The following LATS1 variants were observed in gnomAD, a reference collection of about 807,000 sequenced individuals.
The protein encoded by LATS1 is large tumor suppressor kinase 1, also known as serine/threonine-protein kinase LATS1.
In LATS1, 25 loss-of-function variants were observed where a neutral mutation model predicts 106.6. The observed-to-expected ratio is 0.23, with a 90% CI of 0.17 to 0.33. The LOEUF is 0.33. LATS1 is among the 10% of genes least tolerant of loss of function. The pLI is 1.00. For synonymous variants in LATS1, 465 were observed against 455.6 expected, an observed-to-expected ratio of 1.02 and a Z score of -0.26; for missense variants, 1,040 against 1,382.6, an observed-to-expected ratio of 0.75 and a Z score of 3.93.
At chr6:149,668,093 T>A (rs577254220) in intron 7 of LATS1, among the ~76,000 whole-genome samples, 2 of 152,292 alleles carry the variant, frequency 1.3e-5, no homozygotes, top group Admixed American at 1.3e-4. Context: ...ATAATTTTTA[T>A]ATTTTAGTAG....
chr6:149,684,292 G>A lies in LATS1; in HGVS notation c.797C>T (p.Pro266Leu). The change falls in exon 4 of 8, where the codon CCT becomes CTT. Residue 266 changes from proline to leucine, a missense_variant. Pro to Leu is a moderately conservative substitution (Grantham distance 98). This residue lies in a region of LATS1 where 624 missense variants were observed against 714.8 expected (regional missense o/e 0.87). Coordinates refer to ENST00000543571, the MANE Select transcript of LATS1 (RefSeq NM_004690.4). ...PPPRGTTPPP[P>L]SWEPNSQTKR... Reference sequence around the variant, plus strand: ...TGTTTGAGAGTTTGGTTCCCATGAAGGGGGAGGTGGAGTTGTACCTCTTGG... The same window carrying A: ...TGTTTGAGAGTTTGGTTCCCATGAAAGGGGAGGTGGAGTTGTACCTCTTGG... 1.2e-6 allele frequency: 2 copies of A among 1,614,068 alleles called. No individual in the cohort carries two copies. Among genetic ancestry groups the A allele is most frequent in the Non-Finnish European group, 1.7e-6 (2 of 1,179,998 alleles).
chr6:149,676,752 A>T lies in LATS1; in HGVS notation c.2594-15T>A, dbSNP rs1428496954. 1 of 1,598,714 alleles carries T rather than the reference A, an allele frequency of 6.3e-7. No individual in the cohort carries two copies. Among genetic ancestry groups the T allele is most frequent in the Non-Finnish European group, 8.6e-7 (1 of 1,168,570 alleles). On this transcript the variant is annotated splice_polypyrimidine_tract_variant and intron_variant, in intron 5 of 7. Transcript: ENST00000543571. ...TGGATGGTCACCTGCACAACAAAAGAATAAGTAAATAAAGTCAACAATGAC... is the reference window on the plus strand; with the variant it reads ...TGGATGGTCACCTGCACAACAAAAGTATAAGTAAATAAAGTCAACAATGAC...
rs191476063 is a variant in LATS1 at position 149,661,331 on chromosome 6, A to G, written c.*398T>C. ...CTGTAAAATAGGGGGTATGTTTCAT[A>G]TTTGGTTAAAGCAAGATAAAACTAA... On this transcript the variant is annotated 3_prime_UTR_variant, in exon 8 of 8. Transcript: ENST00000543571. 41 of 235,454 alleles carry G rather than the reference A, an allele frequency of 1.7e-4. No homozygotes were observed. The highest frequency in any genetic ancestry group is 9.0e-4 in the African/African-American group (41 of 45,504). 14.6% of individuals were successfully genotyped at this position (235,454 alleles called of 1,614,324 possible).
intron 1 of LATS1, among the ~76,000 whole-genome samples, chr6:149,715,003 C>T (rs1406337019): frequency 6.6e-6 from 1 of 152,006 alleles, no homozygotes; most frequent in East Asian, 1.9e-4. Context: ...AACCTTATTC[C>T]TTTAAATACC....
chr6:149,673,551 A>C (rs766234258), intron 7 of LATS1, among the ~76,000 whole-genome samples: 2 of 152,032 alleles, frequency 1.3e-5, no homozygotes, highest in Non-Finnish European at 2.9e-5. Context: ...ATATATTCAA[A>C]TGAAGACAAA....
chr6:149,688,868 A>G (rs1010401550), intron 3 of LATS1, among the ~76,000 whole-genome samples: 1 of 152,122 alleles, frequency 6.6e-6, no homozygotes, highest in Admixed American at 6.5e-5. Flanking sequence ...GGGATAATAT[A>G]TGAGTTCAGA....
Position 149,695,115 on chromosome 6 carries a change from G to A in LATS1, c.455C>T (p.Ala152Val), listed in dbSNP as rs1426631850. 1 of 1,611,432 alleles carries A rather than the reference G, an allele frequency of 6.2e-7. No individual in the cohort carries two copies. Among genetic ancestry groups the A allele is most frequent in the Non-Finnish European group, 8.5e-7 (1 of 1,178,942 alleles). Residue 152 changes from alanine (A) to valine (V), a missense_variant, in exon 3 of 8, where the codon GCT becomes GTT. Coordinates refer to ENST00000543571, the MANE Select transcript of LATS1 (RefSeq NM_004690.4). Reference sequence around the variant, plus strand: ...ATTAATAGGTCTGGCAGCTGCTGCAGCCATCTGCTCTCGTCGAGGATCTTG... The same window carrying A: ...ATTAATAGGTCTGGCAGCTGCTGCAACCATCTGCTCTCGTCGAGGATCTTG... Reference protein sequence around the residue: ...SYQDPRREQMAAAAARPINAS... With the variant: ...SYQDPRREQMVAAAARPINAS...
At chr6:149,670,106 A>T (rs1781360894) in intron 7 of LATS1, among the ~76,000 whole-genome samples, 1 of 130,924 alleles carries the variant, frequency 7.6e-6, no homozygotes, top group Non-Finnish European at 1.6e-5. Context: ...TGGGAGGTGG[A>T]GGTTGCAGTG....
In LATS1 at chr6:149,701,989, A is replaced by G. The variant is rs149714890; in HGVS notation, c.138T>C (p.Asp46=). 7 of 1,614,080 alleles carry G rather than the reference A, an allele frequency of 4.3e-6. No individual in the cohort carries two copies. In the African/African-American group the frequency reaches 9.3e-5, roughly 22 times the overall value. The change falls in exon 2 of 8, where the codon GAT becomes GAC. Residue 46 remains aspartate, a synonymous_variant. Transcript: ENST00000543571. ...ESLRNLSKPS[D]AAKAEHNMSK... ...TCATGTTATGCTCAGCCTTAGCAGC[A>G]TCAGATGGTTTAGATAAATTCCTAA...
intron 7 of LATS1, among the ~76,000 whole-genome samples, chr6:149,673,297 G>A (rs1017310102): frequency 1.3e-5 from 2 of 151,416 alleles, no homozygotes; most frequent in African/African-American, 2.4e-5. Flanking sequence ...ACACGGTTGC[G>A]CCATGTTGCC....
At chr6:149,663,968 C>A (rs1781014337) in intron 7 of LATS1, among the ~76,000 whole-genome samples, 1 of 151,970 alleles carries the variant, frequency 6.6e-6, no homozygotes, top group African/African-American at 2.4e-5. Context: ...CCACCTCGCA[C>A]AGCTAATTTT....
chr6:149,667,444 A>C (rs1781215788), intron 7 of LATS1, among the ~76,000 whole-genome samples: 1 of 148,764 alleles, frequency 6.7e-6, no homozygotes, highest in Non-Finnish European at 1.5e-5. Flanking sequence ...ATCTCAAAAA[A>C]AAAAAAAAAA....
intron 7 of LATS1, among the ~76,000 whole-genome samples, chr6:149,667,845 C>T (rs1781239794): frequency 6.6e-6 from 1 of 152,178 alleles, no homozygotes; most frequent in Non-Finnish European, 1.5e-5. Context: ...GATGTCTCAT[C>T]AAATTATGAA....
At chr6:149,680,493 C>T (rs1462764501) in intron 4 of LATS1, 36 bp from the exon 5 acceptor site, 13 of 1,396,416 alleles carry the variant, frequency 9.3e-6, no homozygotes, top group Non-Finnish European at 1.3e-5. Flanking sequence ...TAAGAATTAT[C>T]TTCTTCAATA....
chr6:149,708,297 C>T (rs921980017), intron 1 of LATS1, among the ~76,000 whole-genome samples: 1 of 152,032 alleles, frequency 6.6e-6, no homozygotes, highest in African/African-American at 2.4e-5. Flanking sequence ...CACCTGTAGT[C>T]CCAGCTACTC....
At chr6:149,665,016 T>A (rs915376313) in intron 7 of LATS1, among the ~76,000 whole-genome samples, 10 of 152,176 alleles carry the variant, frequency 6.6e-5, no homozygotes, top group African/African-American at 2.4e-4. Flanking sequence ...AGAGCCAGTA[T>A]GCACCTAAAA....
chr6:149,697,550 A>G (rs946384081), intron 2 of LATS1, among the ~76,000 whole-genome samples: 6 of 152,216 alleles, frequency 3.9e-5, no homozygotes, highest in African/African-American at 1.4e-4. Flanking sequence ...TTAAAACCAA[A>G]TATGTGTAAA....
chr6:149,670,923 A>G (rs1466932779), intron 7 of LATS1, among the ~76,000 whole-genome samples: 1 of 151,510 alleles, frequency 6.6e-6, no homozygotes, highest in African/African-American at 2.4e-5. Context: ...GAAAGTTCTT[A>G]GTTTTGATGA....
chr6:149,716,873 C>T (rs73779547), intron 1 of LATS1, among the ~76,000 whole-genome samples: 3 of 152,326 alleles, frequency 2.0e-5, no homozygotes, highest in African/African-American at 4.8e-5. Flanking sequence ...AGAACATTCA[C>T]TCCAATTATA....
Sources: allele counts gnomAD v4.1 joint callset (sites outside exome capture counted in the v4.1 genomes callset), GRCh38; gene constraint gnomAD v4.1.1; regional missense constraint gnomAD v4.1.1; transcripts MANE v1.5; gene names NCBI Gene and HGNC (gene_info 2026-07-23, HGNC 2026-07-21).